Variants in RGS6 observed in about 807,000 individuals in gnomAD.
RGS6 encodes regulator of G-protein signaling 6.
Under a neutral mutation model 78.5 loss-of-function variants are expected in RGS6, and 30 were observed. The observed-to-expected ratio is 0.38, with a 90% CI of 0.29 to 0.52. The LOEUF (loss-of-function observed/expected upper bound fraction) is 0.52. RGS6 is among the 20% of genes least tolerant of loss of function. The pLI is 0.85. For synonymous variants in RGS6, 206 were observed against 206.0 expected, an observed-to-expected ratio of 1.00 and a Z score of 0.00; for missense variants, 495 against 609.7, an observed-to-expected ratio of 0.81 and a Z score of 1.98.
chr14:72,431,814 C>T (rs1010849089), intron 3 of RGS6, among the ~76,000 whole-genome samples: 41 of 152,120 alleles, frequency 2.7e-4, no homozygotes, highest in African/African-American at 9.7e-4. Flanking sequence ...TCCCAGTGGC[C>T]GTTCAGCTTG....
At chr14:71,898,674 A>AC in the RGS6 span, among the ~76,000 whole-genome samples, 27 of 147,484 alleles carry the variant, frequency 1.8e-4, no homozygotes, top group African/African-American at 3.8e-4. Flanking sequence ...TTTTCCTCCC[A>AC]CCCCCCCGAC....
chr14:72,068,230 G>A (rs950601431), intron 2 of RGS6, among the ~76,000 whole-genome samples: 1 of 150,026 alleles, frequency 6.7e-6, no homozygotes, highest in African/African-American at 2.5e-5. Context: ...GCCTTGTGGG[G>A]TTCAAGCCAT....
chr14:72,144,956 G>A (rs1014219217), intron 2 of RGS6, among the ~76,000 whole-genome samples: 1 of 152,086 alleles, frequency 6.6e-6, no homozygotes, highest in African/African-American at 2.4e-5. Flanking sequence ...AATTTGGCAG[G>A]TAGGGGCTCA....
intron 2 of RGS6, among the ~76,000 whole-genome samples, chr14:72,092,388 G>T (rs573642855): frequency 2.6e-5 from 4 of 151,802 alleles, no homozygotes; most frequent in African/African-American, 9.7e-5. Context: ...GGAAAGTCTT[G>T]CTATGTTGCC....
chr14:72,056,504 G>C (rs956895089), intron 2 of RGS6, among the ~76,000 whole-genome samples: 1 of 152,150 alleles, frequency 6.6e-6, no homozygotes, highest in African/African-American at 2.4e-5. Flanking sequence ...ATTAAAAATT[G>C]AGCTTGCAAA....
At chr14:72,478,450 T>C (rs2153359249) in intron 12 of RGS6, 121 bp downstream of exon 12, 1 of 723,962 alleles carries the variant, frequency 1.4e-6, no homozygotes, top group East Asian at 2.7e-5. Flanking sequence ...TTCCTTAGAC[T>C]GGGGTGCAGA....
At chr14:72,360,090 G>C (rs933340589) in intron 3 of RGS6, among the ~76,000 whole-genome samples, 1 of 152,108 alleles carries the variant, frequency 6.6e-6, no homozygotes, top group African/African-American at 2.4e-5. Flanking sequence ...ATGACTCAGT[G>C]GGGGTGGGGG....
intron 1 of RGS6, among the ~76,000 whole-genome samples, chr14:71,963,623 G>A (rs890730070): frequency 6.6e-6 from 1 of 152,284 alleles, no homozygotes; most frequent in South Asian, 2.1e-4. Flanking sequence ...TTTGTGTCTG[G>A]CTTTTTACAC....
At chr14:72,627,751 T>A in the RGS6 span, among the ~76,000 whole-genome samples, 200 of 152,260 alleles carry the variant, frequency 1.3e-3, 1 homozygote, top group African/African-American at 4.5e-3. Flanking sequence ...AGAACTGACA[T>A]CTTTATAATG....
intron 2 of RGS6, among the ~76,000 whole-genome samples, chr14:72,314,340 C>A (rs531355504): frequency 6.6e-6 from 1 of 152,226 alleles, no homozygotes; most frequent in Admixed American, 6.5e-5. Flanking sequence ...GTCCAGGCAT[C>A]ACAACATGGT....
chr14:72,606,266 A>G, the RGS6 span, among the ~76,000 whole-genome samples: 7 of 152,102 alleles, frequency 4.6e-5, no homozygotes, highest in Admixed American at 2.0e-4. Flanking sequence ...TGGTGCATGT[A>G]TACCTCGATC....
chr14:72,255,695 G>A (rs1365529809), intron 2 of RGS6, among the ~76,000 whole-genome samples: 1 of 152,094 alleles, frequency 6.6e-6, no homozygotes, highest in African/African-American at 2.4e-5. Flanking sequence ...ATTTTCTATT[G>A]CTAAAAATTG....
chr14:71,932,305 A>ACG (rs1166206522), upstream of RGS6: 1 of 151,394 alleles, frequency 6.6e-6, no homozygotes, highest in African/African-American at 2.4e-5. Flanking sequence ...TCCCTGCAGC[A>ACG]CGCGGTCCGG....
At chr14:71,926,805 G>A in the RGS6 span, among the ~76,000 whole-genome samples, 9,189 of 152,098 alleles carry the variant, frequency 0.06, 379 homozygotes, top group Non-Finnish European at 0.091. Flanking sequence ...GTTACCTGTG[G>A]TCATATATGA....
chr14:71,935,224 A>T (rs1349741544), intron 1 of RGS6, among the ~76,000 whole-genome samples: 1 of 152,202 alleles, frequency 6.6e-6, no homozygotes, highest in African/African-American at 2.4e-5. Context: ...TCAAAAAACA[A>T]TTTTAACTTT....
At chr14:71,877,023 T>C in the RGS6 span, among the ~76,000 whole-genome samples, 1 of 152,258 alleles carries the variant, frequency 6.6e-6, no homozygotes, top group Non-Finnish European at 1.5e-5. Context: ...TTCCACCTTG[T>C]AGAGTTTCTG....
chr14:72,324,676 G>C (rs1030193432), intron 2 of RGS6, among the ~76,000 whole-genome samples: 23 of 152,162 alleles, frequency 1.5e-4, no homozygotes, highest in African/African-American at 5.3e-4. Flanking sequence ...CCCTACAAAG[G>C]ACATGAACTC....
the RGS6 span, among the ~76,000 whole-genome samples, chr14:72,600,165 T>C: frequency 6.6e-6 from 1 of 151,666 alleles, no homozygotes; most frequent in African/African-American, 2.4e-5. Context: ...CTGCCTTCAC[T>C]CTCTCCCCCT....
At chr14:71,888,431 A>G in the RGS6 span, among the ~76,000 whole-genome samples, 72,738 of 143,388 alleles carry the variant, frequency 0.51, 21,525 homozygotes, top group Non-Finnish European at 0.66. Flanking sequence ...AAAAAAAAAA[A>G]AAGAAGAAGA....
Sources: allele counts gnomAD v4.1 joint callset (sites outside exome capture counted in the v4.1 genomes callset), GRCh38; gene constraint gnomAD v4.1.1; transcripts MANE v1.5; gene names NCBI Gene and HGNC (gene_info 2026-07-23, HGNC 2026-07-21).